Variants in SLC22A25 observed in about 807,000 individuals in gnomAD.
SLC22A25 encodes the protein MGI:2442751, MGI:2385316, MGI:3042283, MGI:3645714, MGI:3605624, MGI:2442750.
SLC22A25 carries 44 observed loss-of-function variants against 45.9 expected under a neutral mutation model. The observed-to-expected ratio is 0.96, with a 90% confidence interval of 0.75 to 1.23. The LOEUF (loss-of-function observed/expected upper bound fraction) is 1.23. SLC22A25 is among the 50% of genes most tolerant of loss of function. SLC22A25 has a pLI of 0.00. For missense variants in SLC22A25, 800 were observed against 666.4 expected, an observed-to-expected ratio of 1.20 and a Z score of -2.21; for synonymous variants, 283 against 238.6, an observed-to-expected ratio of 1.19 and a Z score of -1.72.
intron 5 of SLC22A25, chr11:63,218,016 G>A (rs2089762893): frequency 1.7e-6 from 1 of 585,868 alleles, no homozygotes; most frequent in Admixed American, 2.2e-5. Context: ...ATGTTGAAAT[G>A]TTAACACACC....
At position 63,229,996 on chromosome 11, in the gene SLC22A25, A is replaced by AT. The variant is rs1189676482; in HGVS notation, c.-345dup. ...AGCAGCATTGAACTTTGGTCTGCAC[A>AT]TTTTTTTGTAAACAAACTAAAATAA... On this transcript the variant is annotated 5_prime_UTR_variant, in exon 4 of 12. The change creates a new upstream start codon in the 5' untranslated region. Transcript: ENST00000306494. Among the ~76,000 whole-genome samples, 1 of 152,160 alleles carries AT rather than the reference A, an allele frequency of 6.6e-6. No individual in the cohort carries two copies. The highest frequency in any genetic ancestry group is 6.5e-5 in the Admixed American group (1 of 15,268).
intron 7 of SLC22A25, among the ~76,000 whole-genome samples, chr11:63,204,949 A>T (rs1263855629): frequency 6.6e-6 from 1 of 152,236 alleles, no homozygotes; most frequent in Non-Finnish European, 1.5e-5. Context: ...TATGGAAATC[A>T]TAACAAACAG....
chr11:63,211,746 C>T (rs1436447134), intron 7 of SLC22A25, among the ~76,000 whole-genome samples: 2 of 152,098 alleles, frequency 1.3e-5, no homozygotes, highest in Non-Finnish European at 2.9e-5. Flanking sequence ...CCATTCAGGA[C>T]ATAGGCATGG....
At chr11:63,229,040 C>T (rs1188517301) in intron 4 of SLC22A25, among the ~76,000 whole-genome samples, 1 of 152,166 alleles carries the variant, frequency 6.6e-6, no homozygotes, top group Non-Finnish European at 1.5e-5. Flanking sequence ...AGGATAAAAG[C>T]ACTATGATAG....
intron 7 of SLC22A25, among the ~76,000 whole-genome samples, chr11:63,200,961 G>A (rs937000159): frequency 6.6e-6 from 1 of 152,092 alleles, no homozygotes; most frequent in East Asian, 1.9e-4. Context: ...GGAGGTGAAA[G>A]ATCTCTACAA....
In SLC22A25 at chr11:63,205,111, G is replaced by A. The variant is rs1227654579; in HGVS notation, c.830+12203C>T. 3.9e-5 allele frequency among the ~76,000 whole-genome samples: 6 copies of A among 152,132 alleles called. No individual in the cohort carries two copies. In the East Asian group the frequency reaches 9.7e-4, roughly 24 times the overall value. Reference sequence around the variant, plus strand: ...AGAAAAAAATACATTTTCTGAACCCGATGGGAACAAAGATACAATGTACCA... The same window carrying A: ...AGAAAAAAATACATTTTCTGAACCCAATGGGAACAAAGATACAATGTACCA... On this transcript the variant is annotated intron_variant, in intron 7 of 11. Coordinates refer to ENST00000306494, the MANE Select transcript of SLC22A25 (RefSeq NM_199352.6).
chr11:63,192,606 A>G (rs947240988), intron 7 of SLC22A25, among the ~76,000 whole-genome samples: 3 of 152,208 alleles, frequency 2.0e-5, no homozygotes, highest in South Asian at 2.1e-4. Flanking sequence ...CTCACATGCA[A>G]TAGCACACAC....
At chr11:63,186,315 T>C (rs1590816501) in intron 7 of SLC22A25, among the ~76,000 whole-genome samples, 1 of 151,490 alleles carries the variant, frequency 6.6e-6, no homozygotes, top group Admixed American at 6.6e-5. Flanking sequence ...CATTTTTTCC[T>C]GTGTCTTTTG....
chr11:63,195,142 C>T (rs2088972455), intron 7 of SLC22A25, among the ~76,000 whole-genome samples: 1 of 151,980 alleles, frequency 6.6e-6, no homozygotes, highest in African/African-American at 2.4e-5. Flanking sequence ...TAGACTCCCA[C>T]ACAATAATAA....
At chr11:63,240,476 C>G (rs566564727) in intron 1 of SLC22A25, among the ~76,000 whole-genome samples, 12 of 152,188 alleles carry the variant, frequency 7.9e-5, no homozygotes, top group East Asian at 5.8e-4. Context: ...AAACATTTTC[C>G]TTTCTTCAAT....
At chr11:63,196,569 A>C (rs1398613571) in intron 7 of SLC22A25, among the ~76,000 whole-genome samples, 1 of 152,220 alleles carries the variant, frequency 6.6e-6, no homozygotes, top group East Asian at 1.9e-4. Flanking sequence ...TTCATGCTGA[A>C]AACTCTCAAT....
At chr11:63,209,225 A>G (rs975746155) in intron 7 of SLC22A25, among the ~76,000 whole-genome samples, 9 of 152,056 alleles carry the variant, frequency 5.9e-5, no homozygotes, top group Non-Finnish European at 8.8e-5. Flanking sequence ...ACTAGCCCCA[A>G]TTGTTTACAG....
intron 5 of SLC22A25, among the ~76,000 whole-genome samples, chr11:63,227,969 A>G (rs368598968): frequency 1.5e-4 from 23 of 152,330 alleles, no homozygotes; most frequent in Middle Eastern, 3.4e-3. Context: ...CCCCAAGTGC[A>G]CAGATTCTCT....
chr11:63,218,345 C>T (rs1006267044), intron 5 of SLC22A25: 1 of 236,164 alleles, frequency 4.2e-6, no homozygotes, highest in Non-Finnish European at 8.4e-6. Context: ...CTGGGGACTA[C>T]AAGAGTTGGC....
chr11:63,185,528 A>ATTTTTTT (rs1554972313), intron 7 of SLC22A25, among the ~76,000 whole-genome samples: 1 of 146,762 alleles, frequency 6.8e-6, no homozygotes, highest in African/African-American at 2.5e-5. Flanking sequence ...TTCTTTTTTT[A>ATTTTTTT]TTTTTATTTT....
At position 63,163,101 on chromosome 11, in the gene SLC22A25, C is replaced by T. The variant is rs186570872; in HGVS notation, c.*723G>A. ...CTTTAATAAAAAACATGCCTCTGCC[C>T]GCAAGTGTTTGTGTAAACCTTGTGA... On this transcript the variant is annotated 3_prime_UTR_variant, in exon 12 of 12. Coordinates refer to ENST00000306494, the MANE Select transcript of SLC22A25 (RefSeq NM_199352.6). Among the ~76,000 whole-genome samples, 562 of 152,238 alleles carry T rather than the reference C, an allele frequency of 3.7e-3. 4 individuals are homozygous for T. Among genetic ancestry groups the T allele is most frequent in the Middle Eastern group, 0.024 (7 of 294 alleles).
intron 7 of SLC22A25, among the ~76,000 whole-genome samples, chr11:63,215,333 C>T (rs1029972393): frequency 1.3e-5 from 2 of 152,108 alleles, no homozygotes; most frequent in African/African-American, 4.8e-5. Context: ...AATACAGGAA[C>T]AGAAAACCAA....
At chr11:63,234,327 T>G (rs2090125487) in intron 3 of SLC22A25, among the ~76,000 whole-genome samples, 1 of 152,240 alleles carries the variant, frequency 6.6e-6, no homozygotes, top group African/African-American at 2.4e-5. Context: ...GCTCCTGTAT[T>G]GGGCACATAT....
rs563396385 is a variant in SLC22A25 at position 63,206,386 on chromosome 11, C to T, written c.830+10928G>A. On this transcript the variant is annotated intron_variant, in intron 7 of 11. Coordinates refer to ENST00000306494, the MANE Select transcript of SLC22A25 (RefSeq NM_199352.6). Reference sequence around the variant, plus strand: ...CAGTATGATTGTTTATTTAGAAAACCCCATTGTCTCAGTCCAAAATCTTCT... The same window carrying T: ...CAGTATGATTGTTTATTTAGAAAACTCCATTGTCTCAGTCCAAAATCTTCT... Among the ~76,000 whole-genome samples the T allele has an allele frequency of 1.4e-4, 22 of 152,224 alleles. 1 individual carries two copies. The South Asian group carries it at 3.9e-3, about 27-fold the overall frequency.
Sources: gnomAD v4.1 joint callset for allele counts (sites outside exome capture counted in the v4.1 genomes callset) on GRCh38, gnomAD v4.1.1 for gene constraint, MANE v1.5 for transcripts, NCBI Gene and HGNC (gene_info 2026-07-23, HGNC 2026-07-21) for gene names.